CDK14: variants seen among roughly 807,000 people sequenced by gnomAD.
CDK14 encodes cyclin-dependent kinase 14.
CDK14 carries 34 observed loss-of-function variants against 60.7 expected under a neutral mutation model. That is an observed-to-expected ratio of 0.56 (90% CI 0.43 to 0.75). CDK14 has a LOEUF of 0.75. Ranked by LOEUF, CDK14 falls within the 30% of genes least tolerant of loss-of-function variation. The pLI is 0.00. For missense variants in CDK14, 482 were observed against 564.1 expected (o/e 0.85, Z 1.47); for synonymous variants, 197 against 203.7 (o/e 0.97, Z 0.28).
chr7:91,170,176 G>T (rs1801473030), intron 14 of CDK14, among the ~76,000 whole-genome samples: 2 of 152,292 alleles, frequency 1.3e-5, no homozygotes, highest in South Asian at 4.1e-4. Flanking sequence ...ATGATAAGTT[G>T]TTCCCCGTGT....
chr7:90,800,434 A>G (rs150647882), intron 5 of CDK14, among the ~76,000 whole-genome samples: 72 of 152,308 alleles, frequency 4.7e-4, no homozygotes, highest in African/African-American at 1.4e-3. Context: ...TATTACTTTT[A>G]CAAATTTTTT....
intron 9 of CDK14, among the ~76,000 whole-genome samples, chr7:90,968,035 A>C (rs1378561719): frequency 6.6e-6 from 1 of 152,214 alleles, no homozygotes; most frequent in African/African-American, 2.4e-5. Flanking sequence ...TGTTATGACA[A>C]TTGTGAATTA....
intron 9 of CDK14, among the ~76,000 whole-genome samples, chr7:90,981,433 T>G (rs1360213617): frequency 6.6e-6 from 1 of 152,240 alleles, no homozygotes; most frequent in African/African-American, 2.4e-5. Context: ...AAATGGCATT[T>G]GTTTGTTTTT....
chr7:90,709,404 C>T (rs894473415), intron 2 of CDK14: 1 of 1,403,854 alleles, frequency 7.1e-7, no homozygotes, highest in African/African-American at 1.5e-5. Flanking sequence ...AGGTGCATCC[C>T]CTTGATTAAA....
chr7:90,646,213 G>T (rs941338642), intron 2 of CDK14, among the ~76,000 whole-genome samples: 1 of 152,130 alleles, frequency 6.6e-6, no homozygotes, highest in Non-Finnish European at 1.5e-5. Context: ...GGAAGCCTCC[G>T]GTTGTTGAGT....
intron 14 of CDK14, among the ~76,000 whole-genome samples, chr7:91,196,942 A>C (rs7789024): frequency 1.1e-4 from 17 of 152,020 alleles, no homozygotes; most frequent in Non-Finnish European, 1.8e-4. Context: ...GAGTGTCACT[A>C]TACTTTTCAT....
intron 3 of CDK14, among the ~76,000 whole-genome samples, chr7:90,746,280 G>C (rs988115388): frequency 6.6e-6 from 1 of 152,148 alleles, no homozygotes; most frequent in African/African-American, 2.4e-5. Flanking sequence ...TTTAAGTCAT[G>C]ATGGGTATTT....
rs1802942746 is a variant in CDK14 at position 91,207,608 on chromosome 7, C to G, written c.*472C>G. 6.6e-6 allele frequency: 1 copy of G among 152,660 alleles called. No individual in the cohort carries two copies. The highest frequency in any genetic ancestry group is 2.1e-4 in the South Asian group (1 of 4,830). 9.5% of individuals were successfully genotyped at this position (152,660 alleles called of 1,614,324 possible). Reference sequence around the variant, plus strand: ...GTGTGTTTTCTTTGAGAGCAGTGCACATTTTGCAACCACTAGGAAGGAAAT... The same window carrying G: ...GTGTGTTTTCTTTGAGAGCAGTGCAGATTTTGCAACCACTAGGAAGGAAAT... On this transcript the variant is annotated 3_prime_UTR_variant, in exon 15 of 15. Transcript: ENST00000380050.
chr7:90,703,224 T>G (rs1008366382), intron 2 of CDK14, among the ~76,000 whole-genome samples: 3 of 152,198 alleles, frequency 2.0e-5, no homozygotes, highest in African/African-American at 7.2e-5. Flanking sequence ...GGATTTTATG[T>G]CTGCCATTGA....
At chr7:90,743,442 C>A (rs930601355) in intron 3 of CDK14, among the ~76,000 whole-genome samples, 2 of 152,038 alleles carry the variant, frequency 1.3e-5, no homozygotes, top group Non-Finnish European at 2.9e-5. Flanking sequence ...GTGACCTAAT[C>A]TATGATTTTT....
rs184665824 is a variant in CDK14 at position 90,861,410 on chromosome 7, G to A, written c.545-1765G>A. Among the ~76,000 whole-genome samples the A allele has an allele frequency of 4.6e-4, 70 of 152,308 alleles. No individual in the cohort carries two copies. In the East Asian group the frequency reaches 0.011, roughly 23 times the overall value. ...CTGTGATAGCAAAGAGTGACACAGG[G>A]GAAGCTGATAGAGGCTTAAGAAGCT... On this transcript the variant is annotated intron_variant, in intron 5 of 14. Transcript: ENST00000380050.
chr7:91,105,792 ATGT>A (rs1469709532), intron 12 of CDK14, among the ~76,000 whole-genome samples: 1 of 152,202 alleles, frequency 6.6e-6, no homozygotes, highest in African/African-American at 2.4e-5. Flanking sequence ...TATATTTAAA[ATGT>A]TGTAGTAAAG....
At chr7:90,942,746 T>G (rs1793973317) in intron 8 of CDK14, among the ~76,000 whole-genome samples, 1 of 152,184 alleles carries the variant, frequency 6.6e-6, no homozygotes, top group African/African-American at 2.4e-5. Flanking sequence ...GCACCCGGCT[T>G]ACATGAAACA....
Position 90,658,523 on chromosome 7 carries a change from G to T in CDK14, c.123+54274G>T, listed in dbSNP as rs557164079. Among the ~76,000 whole-genome samples, 6 of 152,300 alleles carry T rather than the reference G, an allele frequency of 3.9e-5. No individual in the cohort carries two copies. In the East Asian group the frequency reaches 1.2e-3, roughly 29 times the overall value. ...TAGATTACAACATACGGATTTTGGA[G>T]CGAGGAGCATAAATGTTCAGATCTT... is the stretch of plus-strand genomic sequence containing the variant. On this transcript the variant is annotated intron_variant, in intron 2 of 14. Coordinates refer to ENST00000380050, the MANE Select transcript of CDK14 (RefSeq NM_001287135.2).
chr7:90,895,357 T>TCCCCTCCCCTCCCCTCCC (rs1562817531), intron 6 of CDK14, among the ~76,000 whole-genome samples: 1 of 34,834 alleles, frequency 2.9e-5, no homozygotes. Context: ...TCTCCTCTCC[T>TCCCCTCCCCTCCCCTCCC]CACCTCTCCT....
intron 14 of CDK14, among the ~76,000 whole-genome samples, chr7:91,177,072 C>G (rs1468969446): frequency 6.7e-6 from 1 of 149,562 alleles, no homozygotes; most frequent in Non-Finnish European, 1.5e-5. Flanking sequence ...AAAATACTGG[C>G]AAACTGAATC....
intron 2 of CDK14, among the ~76,000 whole-genome samples, chr7:90,723,198 A>G (rs1022974124): frequency 1.3e-5 from 2 of 152,194 alleles, no homozygotes; most frequent in Non-Finnish European, 1.5e-5. Flanking sequence ...GAGTCTATTG[A>G]GATGATCATA....
chr7:91,193,265 A>C (rs1802430642), intron 14 of CDK14, among the ~76,000 whole-genome samples: 1 of 152,240 alleles, frequency 6.6e-6, no homozygotes, highest in Non-Finnish European at 1.5e-5. Context: ...AATGGAAATC[A>C]GAAGGCCTAT....
At chr7:90,718,590 G>A (rs1802334089) in intron 2 of CDK14, among the ~76,000 whole-genome samples, 1 of 152,050 alleles carries the variant, frequency 6.6e-6, no homozygotes, top group Non-Finnish European at 1.5e-5. Flanking sequence ...ATGTTCTGAA[G>A]GTGACTTTAG....
Sources: gnomAD v4.1 joint callset for allele counts (sites outside exome capture counted in the v4.1 genomes callset) on GRCh38, gnomAD v4.1.1 for gene constraint, MANE v1.5 for transcripts, NCBI Gene and HGNC (gene_info 2026-07-23, HGNC 2026-07-21) for gene names.